TACC2: variants seen among roughly 807,000 people sequenced by gnomAD.
TACC2 encodes the protein transforming acidic coiled-coil-containing protein 2.
In TACC2, 137 loss-of-function variants were observed where a neutral mutation model predicts 227.3. The observed-to-expected ratio is 0.60, with a 90% CI of 0.52 to 0.69. The LOEUF is 0.69. Ranked by LOEUF, TACC2 falls within the 30% of genes least tolerant of loss-of-function variation. TACC2 has a pLI of 0.00. For missense variants in TACC2, 3,470 were observed against 3,694.4 expected (o/e 0.94, Z 1.57); for synonymous variants, 1,523 against 1,487.5 (o/e 1.02, Z -0.55).
At chr10:122,227,805 G>A (rs778501244) in intron 13 of TACC2, 32 bp from the exon 14 acceptor site, 3 of 1,590,268 alleles carry the variant, frequency 1.9e-6, no homozygotes, top group African/African-American at 2.7e-5. Flanking sequence ...CCAATGAGAA[G>A]ACTAAAGAAA....
In TACC2 at chr10:122,172,523, C is replaced by T. The variant is rs141580181; in HGVS notation, c.5835-22517C>T. On this transcript the variant is annotated intron_variant, in intron 7 of 22. Coordinates refer to ENST00000369005, the MANE Select transcript of TACC2 (RefSeq NM_206862.4). ...AAGCTGCACATTGTTCATTGTTCTG[C>T]GTTAAAGGGAGGCGCCTACAGTGGT... Among the ~76,000 whole-genome samples the T allele has an allele frequency of 2.5e-3, 376 of 152,288 alleles. 1 individual carries two copies. The highest frequency in any genetic ancestry group is 0.01 in the Middle Eastern group (3 of 294).
intron 3 of TACC2, among the ~76,000 whole-genome samples, chr10:122,060,183 G>A (rs148227791): frequency 5.1e-4 from 77 of 152,316 alleles, no homozygotes; most frequent in African/African-American, 1.8e-3. Context: ...GGCGAGGTGG[G>A]CAGGGGCCTG....
At chr10:122,215,286 G>GTCA in intron 9 of TACC2, 105 bp from the exon 10 acceptor site, 1 of 1,011,434 alleles carries the variant, frequency 9.9e-7, no homozygotes, top group South Asian at 1.3e-5. Context: ...AGGGTGGCCT[G>GTCA]GGCCAGATGG....
Position 122,086,775 on chromosome 10 carries a change from C to T in TACC2, c.4275C>T (p.Ala1425=). The change falls in exon 4 of 23, where the codon GCC becomes GCT. Residue 1425 remains alanine, a synonymous_variant. Coordinates refer to ENST00000369005, the MANE Select transcript of TACC2 (RefSeq NM_206862.4). ...AGAAGCCTGTGCTCGGAGCCCTGGC[C>T]ACACCTGGAGAAAAGGCAGGAGCTG... is the stretch of plus-strand genomic sequence containing the variant. ...IFEKPVLGAL[A]TPGEKAGAGR... 6.2e-7 allele frequency: 1 copy of T among 1,613,932 alleles called. No individual in the cohort carries two copies. The highest frequency in any genetic ancestry group is 2.2e-5 in the East Asian group (1 of 44,864).
chr10:122,236,907 C>T (rs1274482462), intron 16 of TACC2, among the ~76,000 whole-genome samples: 1 of 152,322 alleles, frequency 6.6e-6, no homozygotes, highest in East Asian at 1.9e-4. Flanking sequence ...TCCTTTCAAA[C>T]AGAGCTAAAC....
chr10:122,063,987 C>G (rs971178828), intron 3 of TACC2, among the ~76,000 whole-genome samples: 1 of 151,754 alleles, frequency 6.6e-6, no homozygotes, highest in Admixed American at 6.6e-5. Flanking sequence ...CATGGTGAAA[C>G]CCCGTCTCTA....
chr10:122,073,996 G>A (rs1034199126), intron 3 of TACC2, among the ~76,000 whole-genome samples: 1 of 151,762 alleles, frequency 6.6e-6, no homozygotes, highest in Non-Finnish European at 1.5e-5. Flanking sequence ...TAGCCAGGAT[G>A]GTCTGGATCT....
chr10:122,230,376 G>T lies in TACC2; in HGVS notation c.8063G>T (p.Arg2688Leu), dbSNP rs760546620. Residue 2688 changes from arginine (R) to leucine (L), a missense_variant, in exon 16 of 23, where the codon CGG (arginine) becomes CTG (leucine). Physicochemically the swap from Arg to Leu is moderately radical, Grantham distance 102 (BLOSUM62 -2). This residue lies in a region of TACC2 where 345 missense variants were observed against 354.4 expected (regional missense o/e 0.97). Coordinates refer to ENST00000369005, the MANE Select transcript of TACC2 (RefSeq NM_206862.4). ...GAGGAGTTAGAGTTTGCCATCATGC[G>T]GATAGAAGCCCTGAAGCTGGCCAGG... is the stretch of plus-strand genomic sequence containing the variant. ...LQEELEFAIM[R>L]IEALKLARQI... 1.2e-6 allele frequency: 2 copies of T among 1,614,148 alleles called. No homozygotes were observed. Among genetic ancestry groups the T allele is most frequent in the East Asian group, 2.2e-5 (1 of 44,856 alleles).
chr10:122,128,657 A>G (rs1348656228), intron 5 of TACC2, among the ~76,000 whole-genome samples: 2 of 152,244 alleles, frequency 1.3e-5, no homozygotes, highest in Non-Finnish European at 2.9e-5. Context: ...TGAGTTATAC[A>G]TGGAAGTTGT....
At chr10:122,163,019 C>G (rs950216839) in intron 7 of TACC2, among the ~76,000 whole-genome samples, 6 of 152,050 alleles carry the variant, frequency 3.9e-5, no homozygotes, top group Non-Finnish European at 8.8e-5. Context: ...CTTTTGCTCC[C>G]TAGCTTGCCC....
At position 122,210,595 on chromosome 10, in the gene TACC2, C is replaced by T; in HGVS notation, c.6170C>T (p.Ser2057Leu). The T allele has an allele frequency of 6.2e-7, 1 of 1,614,132 alleles. No homozygotes were observed. The highest frequency in any genetic ancestry group is 1.7e-5 in the Admixed American group (1 of 60,020). The change falls in exon 9 of 23, where the codon TCA becomes TTA. Residue 2057 changes from serine to leucine, a missense_variant. By Grantham distance (145) the Ser-to-Leu change is moderately radical. This residue lies in a region of TACC2 where 593 missense variants were observed against 636.6 expected (regional missense o/e 0.93). Transcript: ENST00000369005. The surrounding 1 kb of genome is among the most constrained non-coding windows in gnomAD (Gnocchi z 4.6). ...TTTCAGACCTTGGAGCCTCGTGCCT[C>T]AGACGCTAAGAATCAGGAGGGCAAA... is the stretch of plus-strand genomic sequence containing the variant. Reference protein sequence around the residue: ...DTFQTLEPRASDAKNQEGKVN... With the variant: ...DTFQTLEPRALDAKNQEGKVN...
In TACC2 at chr10:122,211,066, TC is replaced by T. The variant is rs765296364; in HGVS notation, c.6647del (p.Pro2216ArgfsTer30). 6.2e-7 allele frequency: 1 copy of T among 1,612,294 alleles called. No individual in the cohort carries two copies. Among genetic ancestry groups the T allele is most frequent in the Non-Finnish European group, 8.5e-7 (1 of 1,179,308 alleles). On this transcript the variant is annotated frameshift_variant, in exon 9 of 23. Coordinates refer to ENST00000369005, the MANE Select transcript of TACC2 (RefSeq NM_206862.4). LOFTEE classifies it high-confidence loss of function. ...GACTCAGAGAGTGCAGAAGGGGTTG[TC>T]CCCCCGGCTTCTGGAGGTGGCAGAG... ...PLDSESAEGV[V>X]PPASGGGRVQ...
At chr10:122,135,702 T>C (rs2089479989) in intron 6 of TACC2, among the ~76,000 whole-genome samples, 1 of 152,216 alleles carries the variant, frequency 6.6e-6, no homozygotes, top group Non-Finnish European at 1.5e-5. Context: ...CTCACTAAAA[T>C]GTATTGATTA....
intron 7 of TACC2, among the ~76,000 whole-genome samples, chr10:122,166,955 C>G (rs937939882): frequency 1.3e-5 from 2 of 152,324 alleles, no homozygotes; most frequent in Non-Finnish European, 1.5e-5. Context: ...AGCTATTGAT[C>G]AGACCTGCTG....
chr10:122,062,515 TA>T (rs1565189608), intron 3 of TACC2, among the ~76,000 whole-genome samples: 2 of 150,476 alleles, frequency 1.3e-5, no homozygotes, highest in Non-Finnish European at 3.0e-5. Context: ...GGTTTCTCCA[TA>T]TTGGTCAGGC....
At chr10:122,021,916 A>G in intron 1 of TACC2, 21 bp from the exon 2 acceptor site, 1 of 1,459,550 alleles carries the variant, frequency 6.9e-7, no homozygotes. Flanking sequence ...ACAGACGTTT[A>G]TACCCTTTTG....
chr10:122,143,560 T>TA lies in TACC2; in HGVS notation c.5700-12_5700-11insA. On this transcript the variant is annotated splice_polypyrimidine_tract_variant and intron_variant, in intron 6 of 22. Transcript: ENST00000369005. Reference sequence around the variant, plus strand: ...AGCACCATGTGGAATAATTCCCTCATTGTGTCCCCAGCATCTCCCCAGCTG... The same window carrying TA: ...AGCACCATGTGGAATAATTCCCTCATATGTGTCCCCAGCATCTCCCCAGCTG... 6.2e-7 allele frequency: 1 copy of TA among 1,613,262 alleles called. No individual in the cohort carries two copies. The highest frequency in any genetic ancestry group is 8.5e-7 in the Non-Finnish European group (1 of 1,179,490).
rs557064919 is a variant in TACC2, at chr10:121,999,166, G to A, written c.-46+9678G>A. Among the ~76,000 whole-genome samples, 6 of 151,962 alleles carry A rather than the reference G, an allele frequency of 3.9e-5. No homozygotes were observed. The South Asian group carries it at 6.3e-4, about 16-fold the overall frequency. The stretch of plus-strand genomic sequence containing the variant: ...TGGGACTACAGGCGTGCACCACCAC[G>A]CCCAGCTAATTTTTTGTATTTTAGT... On this transcript the variant is annotated intron_variant, in intron 1 of 22. Coordinates refer to ENST00000369005, the MANE Select transcript of TACC2 (RefSeq NM_206862.4).
rs907564066 is a variant in TACC2, at chr10:122,211,696, C to T, written c.7271C>T (p.Thr2424Met). The change falls in exon 9 of 23, where the codon ACG becomes ATG. Residue 2424 changes from threonine (T) to methionine (M), a missense_variant. Physicochemically the swap from Thr to Met is moderately conservative, Grantham distance 81. Transcript: ENST00000369005. ...GLNKPAKKKK[T>M]PLKTDTFRVK... Reference sequence around the variant, plus strand: ...AACAAGCCCGCCAAGAAGAAGAAGACGCCCCTAAAGACGTAAGTTCAGGGG... The same window carrying T: ...AACAAGCCCGCCAAGAAGAAGAAGATGCCCCTAAAGACGTAAGTTCAGGGG... 11 of 1,554,066 alleles carry T rather than the reference C, an allele frequency of 7.1e-6. No individual in the cohort carries two copies. Among genetic ancestry groups the T allele is most frequent in the South Asian group, 1.3e-5 (1 of 79,764 alleles).
Sources: gnomAD v4.1 joint callset for allele counts (sites outside exome capture counted in the v4.1 genomes callset) on GRCh38, gnomAD v4.1.1 for gene constraint, gnomAD v4.1.1 regional missense constraint, Gnocchi (gnomAD v3.1) non-coding constraint, MANE v1.5 for transcripts, NCBI Gene and HGNC (gene_info 2026-07-23, HGNC 2026-07-21) for gene names.